DLGAP2: variants seen among roughly 807,000 people sequenced by gnomAD.
DLGAP2 encodes the protein disks large-associated protein 2.
A neutral mutation model predicts 100.3 loss-of-function variants in DLGAP2; 26 were observed. The ratio of observed to expected loss-of-function variants is 0.26; its 90% CI spans 0.19 to 0.36. DLGAP2 has a LOEUF of 0.36. Ranked by LOEUF, DLGAP2 falls within the 10% of genes least tolerant of loss-of-function variation. The pLI is 1.00. For missense variants in DLGAP2, 1,858 were observed against 1,453.2 expected (o/e 1.28, Z -4.53); for synonymous variants, 886 against 630.1 (o/e 1.41, Z -6.08).
intron 3 of DLGAP2, among the ~76,000 whole-genome samples, chr8:1,302,978 A>G (rs992930283): frequency 6.6e-6 from 1 of 152,238 alleles, no homozygotes; most frequent in African/African-American, 2.4e-5. Context: ...CGCAGGAGTC[A>G]TTCCTTAGCT....
chr8:1,555,858 T>C (rs757889), intron 5 of DLGAP2, among the ~76,000 whole-genome samples: 132,129 of 152,190 alleles, frequency 0.87, 57,485 homozygotes, highest in East Asian at 0.94. Context: ...GGTTGTTGGC[T>C]AGCCTTGTGT....
At chr8:1,325,424 C>T (rs1563083925) in intron 3 of DLGAP2, among the ~76,000 whole-genome samples, 1 of 152,228 alleles carries the variant, frequency 6.6e-6, no homozygotes, top group Non-Finnish European at 1.5e-5. Context: ...GACCCTGCAG[C>T]CCGGCTGCTG....
intron 3 of DLGAP2, among the ~76,000 whole-genome samples, chr8:1,424,302 A>G (rs566957985): frequency 6.6e-6 from 1 of 152,268 alleles, no homozygotes; most frequent in South Asian, 2.1e-4. Flanking sequence ...TAAAGACAAC[A>G]GAGACTTATT....
At chr8:893,353 C>T (rs1211123712) in intron 1 of DLGAP2, among the ~76,000 whole-genome samples, 7 of 152,324 alleles carry the variant, frequency 4.6e-5, no homozygotes, top group Middle Eastern at 3.4e-3. Context: ...GCCTTTTGAC[C>T]CTGCCAGGAT....
intron 2 of DLGAP2, among the ~76,000 whole-genome samples, chr8:1,086,354 G>A (rs1585045683): frequency 1.3e-5 from 2 of 152,240 alleles, no homozygotes; most frequent in East Asian, 1.9e-4. Context: ...CAGAGAAAAA[G>A]CTTTCAACTT....
intron 1 of DLGAP2, among the ~76,000 whole-genome samples, chr8:798,281 C>T (rs528540773): frequency 6.1e-5 from 9 of 148,014 alleles, no homozygotes; most frequent in East Asian, 2.0e-4. Context: ...CCTGCAGCCC[C>T]GTGCCCCGGC....
At chr8:1,542,729 T>A (rs1355360448) in intron 4 of DLGAP2, among the ~76,000 whole-genome samples, 1 of 152,174 alleles carries the variant, frequency 6.6e-6, no homozygotes, top group African/African-American at 2.4e-5. Context: ...CCTGGATGTG[T>A]TTTCATTTCT....
intron 2 of DLGAP2, among the ~76,000 whole-genome samples, chr8:1,203,878 A>G (rs1797934911): frequency 6.6e-6 from 1 of 152,132 alleles, no homozygotes; most frequent in Non-Finnish European, 1.5e-5. Flanking sequence ...TTTAGGGAGG[A>G]GTAGGAAGTG....
intron 2 of DLGAP2, among the ~76,000 whole-genome samples, chr8:1,048,976 G>A (rs1229275580): frequency 1.3e-5 from 2 of 152,158 alleles, no homozygotes; most frequent in Non-Finnish European, 2.9e-5. Flanking sequence ...ACCAGCTTTC[G>A]GTTTTCCAGG....
chr8:1,260,794 G>A (rs892838333), intron 3 of DLGAP2, among the ~76,000 whole-genome samples: 6 of 152,210 alleles, frequency 3.9e-5, no homozygotes, highest in African/African-American at 1.2e-4. Context: ...CTTGGCTGGC[G>A]CAGGCTGACT....
At chr8:1,338,454 A>C (rs1801338277) in intron 3 of DLGAP2, among the ~76,000 whole-genome samples, 1 of 152,230 alleles carries the variant, frequency 6.6e-6, no homozygotes, top group Non-Finnish European at 1.5e-5. Context: ...CTGTAGAGAC[A>C]GAAACTAAAT....
chr8:909,692 A>T (rs1185899138), intron 2 of DLGAP2, among the ~76,000 whole-genome samples: 1 of 152,174 alleles, frequency 6.6e-6, no homozygotes, highest in African/African-American at 2.4e-5. Context: ...GCTGTGGAAG[A>T]CCATAGGCTT....
At chr8:1,433,738 CTTTTT>C (rs3052055) in intron 3 of DLGAP2, among the ~76,000 whole-genome samples, 38 of 124,200 alleles carry the variant, frequency 3.1e-4, no homozygotes, top group Admixed American at 2.3e-3. Context: ...GCAAAACTGG[CTTTTT>C]TTTTTTTTTT....
At chr8:1,483,598 G>A (rs1455527978) in intron 3 of DLGAP2, among the ~76,000 whole-genome samples, 2 of 137,734 alleles carry the variant, frequency 1.5e-5, no homozygotes, top group Non-Finnish European at 3.0e-5. Flanking sequence ...AGAACGTGAG[G>A]ACAAGGGAAG....
chr8:1,167,517 A>G (rs1345545678), intron 2 of DLGAP2, among the ~76,000 whole-genome samples: 3 of 152,226 alleles, frequency 2.0e-5, no homozygotes, highest in Non-Finnish European at 4.4e-5. Context: ...TCAGTGTTGC[A>G]GACCCAGGGG....
Position 1,464,379 on chromosome 8 carries a change from T to C in DLGAP2, c.107-36987T>C, listed in dbSNP as rs78918423. On this transcript the variant is annotated intron_variant, in intron 3 of 14. Transcript: ENST00000637795. ...CTTCCAGGACAACGCCCTTCCAGGA[T>C]GGCACCCTTCCGGAATGGCATCCTT... Among the ~76,000 whole-genome samples the C allele has an allele frequency of 0.046, 1,785 of 38,438 alleles. 368 individuals carry two copies. The East Asian group carries it at 0.58, about 12-fold the overall frequency. 25.2% of individuals were successfully genotyped at this position (38,438 alleles called of 152,430 possible).
intron 2 of DLGAP2, among the ~76,000 whole-genome samples, chr8:1,119,123 AG>A (rs1177725019): frequency 6.6e-6 from 1 of 152,224 alleles, no homozygotes; most frequent in Non-Finnish European, 1.5e-5. Flanking sequence ...TTCCCATTTA[AG>A]TACTGATTTG....
intron 3 of DLGAP2, among the ~76,000 whole-genome samples, chr8:1,482,617 G>C (rs1799127355): frequency 6.6e-6 from 1 of 152,256 alleles, no homozygotes; most frequent in South Asian, 2.1e-4. Context: ...TGGGCGGCTT[G>C]CTCGGCTGGC....
chr8:1,598,830 G>T (rs1475303017), intron 6 of DLGAP2, among the ~76,000 whole-genome samples: 1 of 151,962 alleles, frequency 6.6e-6, no homozygotes, highest in East Asian at 1.9e-4. Flanking sequence ...TAGATTCATT[G>T]ATTTTTTTTG....
Sources: gnomAD v4.1 joint callset for allele counts (sites outside exome capture counted in the v4.1 genomes callset) on GRCh38, gnomAD v4.1.1 for gene constraint, MANE v1.5 for transcripts, NCBI Gene and HGNC (gene_info 2026-07-23, HGNC 2026-07-21) for gene names.